SMYD3: variants seen among roughly 807,000 people sequenced by gnomAD.
The protein encoded by SMYD3 is histone-lysine N-methyltransferase SMYD3.
Under a neutral mutation model 57.7 loss-of-function variants are expected in SMYD3, and 36 were observed. That is an observed-to-expected ratio of 0.62 (90% CI 0.48 to 0.82). The LOEUF is 0.82. Among genes scored for constraint, SMYD3 ranks in the 40% least tolerant of loss-of-function variants. The pLI is 0.00. For synonymous variants in SMYD3, 211 were observed against 195.0 expected, an observed-to-expected ratio of 1.08 and a Z score of -0.68; for missense variants, 515 against 538.8, an observed-to-expected ratio of 0.96 and a Z score of 0.44.
chr1:246,133,786 C>T (rs1482595095), intron 5 of SMYD3, among the ~76,000 whole-genome samples: 1 of 152,060 alleles, frequency 6.6e-6, no homozygotes, highest in Non-Finnish European at 1.5e-5. Context: ...AACTCAACTA[C>T]TGTCAAAAAA....
At chr1:246,415,044 G>A (rs115299550) in intron 1 of SMYD3, among the ~76,000 whole-genome samples, 6,318 of 152,014 alleles carry the variant, frequency 0.042, 177 homozygotes, top group Middle Eastern at 0.16. Flanking sequence ...ATCCACATTG[G>A]GTAAATCCTG....
intron 1 of SMYD3, among the ~76,000 whole-genome samples, chr1:246,395,643 CA>C (rs2066650282): frequency 2.6e-5 from 2 of 76,918 alleles, no homozygotes; most frequent in Non-Finnish European, 5.8e-5. Flanking sequence ...GAACACACCA[CA>C]GTCAGACAGG....
intron 3 of SMYD3, among the ~76,000 whole-genome samples, chr1:246,334,576 G>T (rs2065511216): frequency 1.3e-5 from 2 of 152,160 alleles, no homozygotes; most frequent in African/African-American, 4.8e-5. Flanking sequence ...GTAAGAAGCA[G>T]GGAGTGGGCA....
intron 1 of SMYD3, among the ~76,000 whole-genome samples, chr1:246,463,038 T>C (rs1051933908): frequency 1.3e-5 from 2 of 151,976 alleles, no homozygotes; most frequent in African/African-American, 4.8e-5. Context: ...GAAATGAACT[T>C]GCTGAATGAC....
At chr1:246,322,461 A>G (rs2065266310) in intron 5 of SMYD3, 1 of 152,150 alleles carries the variant, frequency 6.6e-6, no homozygotes, top group Admixed American at 6.5e-5. Context: ...GAGGAGAAAC[A>G]GCTTGTAGAG....
At chr1:246,244,714 G>C (rs767851362) in intron 5 of SMYD3, among the ~76,000 whole-genome samples, 2 of 152,078 alleles carry the variant, frequency 1.3e-5, no homozygotes, top group Admixed American at 6.5e-5. Context: ...GTGTAAAAAG[G>C]GACAAGAAGC....
chr1:246,177,647 C>T (rs941030025), intron 5 of SMYD3, among the ~76,000 whole-genome samples: 1 of 152,184 alleles, frequency 6.6e-6, no homozygotes, highest in African/African-American at 2.4e-5. Context: ...TCTAAAAAGG[C>T]TGTGACCTGC....
chr1:245,943,759 C>G (rs1049637771), intron 5 of SMYD3, among the ~76,000 whole-genome samples: 1 of 152,146 alleles, frequency 6.6e-6, no homozygotes, highest in Non-Finnish European at 1.5e-5. Flanking sequence ...CCAAATCCAG[C>G]AGCACATCAA....
intron 1 of SMYD3, among the ~76,000 whole-genome samples, chr1:246,413,898 G>A (rs1050920859): frequency 6.6e-6 from 1 of 152,058 alleles, no homozygotes; most frequent in African/African-American, 2.4e-5. Context: ...AATCAAAGTG[G>A]GATTTTTGTT....
chr1:246,349,552 G>A (rs1480732477), intron 2 of SMYD3, among the ~76,000 whole-genome samples: 1 of 151,916 alleles, frequency 6.6e-6, no homozygotes, highest in African/African-American at 2.4e-5. Context: ...AGTCTGCAGT[G>A]AGGGGTGTTC....
At chr1:246,471,473 A>C (rs1344697208) in intron 1 of SMYD3, among the ~76,000 whole-genome samples, 1 of 152,256 alleles carries the variant, frequency 6.6e-6, no homozygotes, top group Non-Finnish European at 1.5e-5. Context: ...CTGGGATTAC[A>C]GGTGTGAGCC....
At chr1:245,959,844 T>A (rs1321524559) in intron 5 of SMYD3, among the ~76,000 whole-genome samples, 1 of 152,168 alleles carries the variant, frequency 6.6e-6, no homozygotes, top group African/African-American at 2.4e-5. Flanking sequence ...GGTAGTGCCG[T>A]CACAGCTCAC....
chr1:246,254,047 T>C (rs2063839220), intron 5 of SMYD3, among the ~76,000 whole-genome samples: 1 of 152,196 alleles, frequency 6.6e-6, no homozygotes, highest in Admixed American at 6.5e-5. Flanking sequence ...AGGCATTCTA[T>C]TAAAAAAACT....
chr1:246,138,008 T>A (rs1227671166), intron 5 of SMYD3, among the ~76,000 whole-genome samples: 2 of 152,166 alleles, frequency 1.3e-5, no homozygotes, highest in Admixed American at 6.5e-5. Flanking sequence ...CACAAACACA[T>A]AATTTTTTTT....
Position 245,780,356 on chromosome 1 carries a change from G to A in SMYD3, c.1077-16207C>T, listed in dbSNP as rs1292113352. Among the ~76,000 whole-genome samples, 5 of 152,282 alleles carry A rather than the reference G, an allele frequency of 3.3e-5. No homozygotes were observed. In the East Asian group the frequency reaches 9.6e-4, roughly 29 times the overall value. On this transcript the variant is annotated intron_variant, in intron 10 of 11. Transcript: ENST00000490107. ...ATTCAGCCATGAAAAGGAATGAAGTGTTTATACATGCTACAACATGGATGA... is the reference window on the plus strand; with the variant it reads ...ATTCAGCCATGAAAAGGAATGAAGTATTTATACATGCTACAACATGGATGA...
At chr1:245,965,794 G>A (rs556887736) in intron 5 of SMYD3, among the ~76,000 whole-genome samples, 1 of 152,292 alleles carries the variant, frequency 6.6e-6, no homozygotes, top group East Asian at 1.9e-4. Flanking sequence ...TCTGTATGAC[G>A]CTCTAACAGT....
At chr1:246,416,725 C>T (rs1009206395) in intron 1 of SMYD3, among the ~76,000 whole-genome samples, 2 of 151,820 alleles carry the variant, frequency 1.3e-5, no homozygotes, top group Non-Finnish European at 2.9e-5. Context: ...CTTTCATATG[C>T]TGGGCACTTC....
intron 5 of SMYD3, among the ~76,000 whole-genome samples, chr1:246,131,552 T>C (rs1185376310): frequency 1.3e-5 from 2 of 152,202 alleles, no homozygotes; most frequent in Admixed American, 1.3e-4. Context: ...CAACCCAAAA[T>C]GATCTGAGAT....
chr1:245,820,696 G>C (rs1297594368), intron 10 of SMYD3, among the ~76,000 whole-genome samples: 4 of 152,068 alleles, frequency 2.6e-5, no homozygotes, highest in Non-Finnish European at 4.4e-5. Context: ...CTTCAGCAAA[G>C]TCTCAGGGTA....
Sources: allele counts gnomAD v4.1 joint callset (sites outside exome capture counted in the v4.1 genomes callset), GRCh38; gene constraint gnomAD v4.1.1; transcripts MANE v1.5; gene names NCBI Gene and HGNC (gene_info 2026-07-23, HGNC 2026-07-21).